ADGRB3: variants seen among roughly 807,000 people sequenced by gnomAD.
The protein encoded by ADGRB3 is brain-specific angiogenesis inhibitor 3.
ADGRB3 carries 37 observed loss-of-function variants against 193.4 expected under a neutral mutation model. That is an observed-to-expected ratio of 0.19 (90% confidence interval 0.15 to 0.25). The LOEUF (loss-of-function observed/expected upper bound fraction) is 0.25, where lower values mean the gene tolerates loss of function less well. Among genes scored for constraint, ADGRB3 ranks in the 10% least tolerant of loss-of-function variants. The pLI, the probability that ADGRB3 is intolerant of heterozygous loss-of-function variation, is 1.00. For synonymous variants in ADGRB3, 690 were observed against 644.2 expected, an observed-to-expected ratio of 1.07 and a Z score of -1.08; for missense variants, 1,637 against 1,852.9, an observed-to-expected ratio of 0.88 and a Z score of 2.14.
At chr6:68,755,638 G>T (rs772434120) in intron 3 of ADGRB3, among the ~76,000 whole-genome samples, 1 of 152,188 alleles carries the variant, frequency 6.6e-6, no homozygotes, top group Non-Finnish European at 1.5e-5. Flanking sequence ...AAGGGAGTCA[G>T]AGATCAACCC....
At chr6:69,072,115 G>C (rs1726699064) in intron 16 of ADGRB3, among the ~76,000 whole-genome samples, 1 of 151,964 alleles carries the variant, frequency 6.6e-6, no homozygotes, top group African/African-American at 2.4e-5. Flanking sequence ...TAGGTACTAA[G>C]TTTTCTCTCA....
chr6:69,314,541 T>G (rs1768271700), intron 20 of ADGRB3, among the ~76,000 whole-genome samples: 1 of 151,660 alleles, frequency 6.6e-6, no homozygotes, highest in Non-Finnish European at 1.5e-5. Context: ...AGAGATGATG[T>G]TTCCTCATCA....
intron 10 of ADGRB3, among the ~76,000 whole-genome samples, chr6:68,992,043 G>C: frequency 6.6e-6 from 1 of 152,094 alleles, no homozygotes; most frequent in Admixed American, 6.6e-5. Context: ...CTAAGACTGT[G>C]AATAAGGCAG....
intron 17 of ADGRB3, among the ~76,000 whole-genome samples, chr6:69,110,235 T>C (rs1449786883): frequency 6.6e-6 from 1 of 152,160 alleles, no homozygotes; most frequent in African/African-American, 2.4e-5. Flanking sequence ...CATGATGTTA[T>C]TTTTTTAAAT....
At chr6:68,948,757 A>T (rs1215766158) in intron 6 of ADGRB3, among the ~76,000 whole-genome samples, 2 of 152,106 alleles carry the variant, frequency 1.3e-5, no homozygotes, top group Admixed American at 1.3e-4. Flanking sequence ...GGACAAGGAT[A>T]AATAGTAATT....
chr6:68,970,267 A>T (rs961702971), intron 8 of ADGRB3, among the ~76,000 whole-genome samples: 1 of 151,564 alleles, frequency 6.6e-6, no homozygotes, highest in Admixed American at 6.6e-5. Flanking sequence ...ATGTCTAGGC[A>T]GACTACTTTT....
At chr6:68,804,420 AG>A (rs1407759537) in intron 3 of ADGRB3, among the ~76,000 whole-genome samples, 1 of 152,110 alleles carries the variant, frequency 6.6e-6, no homozygotes, top group Non-Finnish European at 1.5e-5. Flanking sequence ...GTGTCCTATA[AG>A]TTTTCAGTAG....
intron 20 of ADGRB3, among the ~76,000 whole-genome samples, chr6:69,298,643 T>C (rs1767884451): frequency 1.3e-5 from 2 of 152,006 alleles, no homozygotes; most frequent in Admixed American, 6.6e-5. Flanking sequence ...ATATTTGTTC[T>C]TTTGTGTCTG....
chr6:68,699,716 C>T (rs540186724), intron 3 of ADGRB3, among the ~76,000 whole-genome samples: 4 of 146,214 alleles, frequency 2.7e-5, no homozygotes, highest in South Asian at 4.5e-4. Context: ...AATTTGATTG[C>T]GCATCACCAC....
At chr6:68,684,471 C>T (rs1764948626) in intron 3 of ADGRB3, among the ~76,000 whole-genome samples, 1 of 152,072 alleles carries the variant, frequency 6.6e-6, no homozygotes, top group African/African-American at 2.4e-5. Context: ...TTAGACAACA[C>T]TTAAAAAATA....
chr6:69,195,009 A>C (rs1354098111), intron 17 of ADGRB3, among the ~76,000 whole-genome samples: 1 of 152,146 alleles, frequency 6.6e-6, no homozygotes, highest in East Asian at 1.9e-4. Context: ...TTTGTAAAGA[A>C]GTTTGAGTCG....
Position 68,956,186 on chromosome 6 carries a change from C to T in ADGRB3, c.1358C>T (p.Thr453Ile). Residue 453 changes from threonine to isoleucine, a missense_variant and splice_region_variant, in exon 7 of 32, where the codon ACA becomes ATA. Thr to Ile is a moderately conservative substitution (Grantham distance 89). Around this residue, in one of 7 missense-constraint regions of ADGRB3, gnomAD observed 641 missense variants for 673.9 expected, o/e 0.95. Transcript: ENST00000370598. ...ESRECYNPEC[T>I]ANGQWNQWGH... Reference sequence around the variant, plus strand: ...AGAGAGTGCTATAACCCTGAATGTACAGGTAGGGCTTGATTCCTGCATATC... The same window carrying T: ...AGAGAGTGCTATAACCCTGAATGTATAGGTAGGGCTTGATTCCTGCATATC... The T allele has an allele frequency of 6.2e-7, 1 of 1,607,650 alleles. No homozygotes were observed. The highest frequency in any genetic ancestry group is 2.2e-5 in the East Asian group (1 of 44,644).
intron 8 of ADGRB3, among the ~76,000 whole-genome samples, chr6:68,974,107 A>G (rs939612174): frequency 8.5e-5 from 13 of 152,132 alleles, no homozygotes; most frequent in Non-Finnish European, 4.4e-5. Flanking sequence ...ATAGTTAATA[A>G]TTTTAATGTG....
At chr6:69,219,245 G>A (rs145201983) in intron 17 of ADGRB3, among the ~76,000 whole-genome samples, 2 of 151,590 alleles carry the variant, frequency 1.3e-5, no homozygotes, top group East Asian at 1.9e-4. Flanking sequence ...AATTCCTAGG[G>A]TTTTCTGTGT....
intron 3 of ADGRB3, among the ~76,000 whole-genome samples, chr6:68,686,484 C>T (rs1430954520): frequency 6.6e-6 from 1 of 152,088 alleles, no homozygotes; most frequent in Admixed American, 6.6e-5. Context: ...TCTCCTGTTA[C>T]AATTTTTTTT....
chr6:68,652,048 A>G (rs181423473), intron 3 of ADGRB3, among the ~76,000 whole-genome samples: 153 of 152,094 alleles, frequency 1.0e-3, no homozygotes, highest in Middle Eastern at 3.4e-3. Context: ...ATTTTTTTCC[A>G]TACTCTGCTC....
intron 17 of ADGRB3, among the ~76,000 whole-genome samples, chr6:69,157,348 T>C (rs1774870693): frequency 6.6e-6 from 1 of 152,210 alleles, no homozygotes; most frequent in Non-Finnish European, 1.5e-5. Flanking sequence ...CTTCTGTACC[T>C]ACTGGAGCAC....
In ADGRB3 at chr6:68,865,302, A is replaced by G. The variant is rs538109367; in HGVS notation, c.758-65257A>G. Among the ~76,000 whole-genome samples, 8 of 152,194 alleles carry G rather than the reference A, an allele frequency of 5.3e-5. No individual in the cohort carries two copies. In the South Asian group the frequency reaches 1.7e-3, roughly 32 times the overall value. On this transcript the variant is annotated intron_variant, in intron 3 of 31. Transcript: ENST00000370598. ...CAGTTCTGATAAAAATTTAATCCCA[A>G]TTGATTAAAATTACATTTTCTCTTT... is the stretch of plus-strand genomic sequence containing the variant.
intron 20 of ADGRB3, among the ~76,000 whole-genome samples, chr6:69,249,086 TC>T (rs1425525608): frequency 1.3e-5 from 2 of 152,222 alleles, no homozygotes; most frequent in African/African-American, 4.8e-5. Flanking sequence ...CAAGCAATTC[TC>T]CTGCCTTAGC....
Sources: allele counts gnomAD v4.1 joint callset (sites outside exome capture counted in the v4.1 genomes callset), GRCh38; gene constraint gnomAD v4.1.1; regional missense constraint gnomAD v4.1.1; transcripts MANE v1.5; gene names NCBI Gene and HGNC (gene_info 2026-07-23, HGNC 2026-07-21).